CAMTA1: variants seen among roughly 807,000 people sequenced by gnomAD.
The protein encoded by CAMTA1 is calmodulin-binding transcription activator 1.
In CAMTA1, 27 loss-of-function variants were observed where a neutral mutation model predicts 170.9. The observed-to-expected ratio is 0.16, with a 90% CI of 0.12 to 0.22. CAMTA1 has a LOEUF of 0.22. CAMTA1 is among the 10% of genes least tolerant of loss of function. The probability of loss-of-function intolerance (pLI) is 1.00; values close to 1 mark genes in which losing one functional copy is unlikely to be tolerated. For synonymous variants in CAMTA1, 833 were observed against 891.5 expected, an observed-to-expected ratio of 0.93 and a Z score of 1.17; for missense variants, 1,619 against 2,217.2, an observed-to-expected ratio of 0.73 and a Z score of 5.42.
chr1:7,439,147 C>T (rs949258139), intron 5 of CAMTA1, among the ~76,000 whole-genome samples: 2 of 152,172 alleles, frequency 1.3e-5, no homozygotes, highest in Admixed American at 1.3e-4. Context: ...CCTGCTGCTC[C>T]CAGGTGGGGT....
chr1:7,304,404 A>G (rs2149572195), intron 5 of CAMTA1, among the ~76,000 whole-genome samples: 1 of 152,336 alleles, frequency 6.6e-6, no homozygotes, highest in South Asian at 2.1e-4. Flanking sequence ...CACATATGTC[A>G]TTTTACACTT....
chr1:7,290,081 T>C (rs1574463523), intron 5 of CAMTA1, among the ~76,000 whole-genome samples: 1 of 152,342 alleles, frequency 6.6e-6, no homozygotes, highest in East Asian at 1.9e-4. Flanking sequence ...ATGGAAGCCC[T>C]GAGAGACTGA....
At chr1:7,578,439 G>A (rs1429850520) in intron 6 of CAMTA1, among the ~76,000 whole-genome samples, 1 of 152,210 alleles carries the variant, frequency 6.6e-6, no homozygotes, top group African/African-American at 2.4e-5. Flanking sequence ...TGTTCCCAGG[G>A]CAAGGGCCAA....
At chr1:7,217,596 A>T (rs1659984897) in intron 4 of CAMTA1, among the ~76,000 whole-genome samples, 1 of 152,080 alleles carries the variant, frequency 6.6e-6, no homozygotes, top group South Asian at 2.1e-4. Context: ...GTCTTTCTAC[A>T]TGATGCATTT....
intron 11 of CAMTA1, among the ~76,000 whole-genome samples, chr1:7,730,910 C>CTT (rs1375687719): frequency 7.9e-6 from 1 of 126,218 alleles, no homozygotes; most frequent in African/African-American, 2.8e-5. Context: ...AAGTCTCAAT[C>CTT]TCTCTCTCTC....
chr1:7,431,261 G>A (rs576917081), intron 5 of CAMTA1, among the ~76,000 whole-genome samples: 7 of 152,304 alleles, frequency 4.6e-5, no homozygotes, highest in South Asian at 4.1e-4. Context: ...CTTTGAGATC[G>A]ATCAGCAGCT....
At chr1:7,498,855 AGT>A (rs1180927952) in intron 6 of CAMTA1, among the ~76,000 whole-genome samples, 9 of 103,252 alleles carry the variant, frequency 8.7e-5, no homozygotes, top group Non-Finnish European at 1.2e-4. Context: ...TGTATGTATG[AGT>A]GTGTGTGTGC....
chr1:7,202,140 G>T (rs1271820407), intron 4 of CAMTA1, among the ~76,000 whole-genome samples: 1 of 152,146 alleles, frequency 6.6e-6, no homozygotes, highest in Non-Finnish European at 1.5e-5. Flanking sequence ...TTGTTGAAAA[G>T]ACTATTTTTT....
chr1:6,790,281 TG>T (rs1008320831), intron 1 of CAMTA1, among the ~76,000 whole-genome samples: 7 of 147,778 alleles, frequency 4.7e-5, no homozygotes, highest in African/African-American at 1.8e-4. Flanking sequence ...TCAGCAGGAG[TG>T]GGGGTGGTGA....
At chr1:7,223,850 T>G (rs1661233236) in intron 4 of CAMTA1, among the ~76,000 whole-genome samples, 1 of 152,216 alleles carries the variant, frequency 6.6e-6, no homozygotes, top group Non-Finnish European at 1.5e-5. Flanking sequence ...CCTTTTAATC[T>G]CAAATTTTAT....
Position 7,347,064 on chromosome 1 carries a change from G to A in CAMTA1, c.438+97438G>A, listed in dbSNP as rs369960385. The stretch of plus-strand genomic sequence containing the variant: ...AGCCAAATGTTCCTCTCCAAACTCC[G>A]TAGCAATAGATGGTGAAGAGATTCT... On this transcript the variant is annotated intron_variant, in intron 5 of 22. Coordinates refer to ENST00000303635, the MANE Select transcript of CAMTA1 (RefSeq NM_015215.4). Among the ~76,000 whole-genome samples the A allele has an allele frequency of 1.7e-4, 26 of 152,336 alleles. 1 individual carries two copies. In the South Asian group the frequency reaches 3.1e-3, roughly 18 times the overall value.
chr1:7,413,105 A>G (rs1262019506), intron 5 of CAMTA1, among the ~76,000 whole-genome samples: 95 of 144,212 alleles, frequency 6.6e-4, no homozygotes, highest in South Asian at 1.1e-3. Context: ...GTTCTGTTCC[A>G]TTGATCTATA....
intron 5 of CAMTA1, among the ~76,000 whole-genome samples, chr1:7,351,218 C>T (rs903818133): frequency 2.0e-5 from 3 of 152,244 alleles, no homozygotes; most frequent in Non-Finnish European, 2.9e-5. Flanking sequence ...TTCCCAGGCA[C>T]GATCCTGATG....
In CAMTA1 at chr1:7,311,510, C is replaced by T. The variant is rs183841373; in HGVS notation, c.438+61884C>T. On this transcript the variant is annotated intron_variant, in intron 5 of 22. Coordinates refer to ENST00000303635, the MANE Select transcript of CAMTA1 (RefSeq NM_015215.4). ...TTTCCATTTGTTTTTAGAGTGTTTA[C>T]CCTTACTTCTTGGAACATTTCTATA... 2.4e-3 allele frequency among the ~76,000 whole-genome samples: 366 copies of T among 152,234 alleles called. 1 individual carries two copies. Among genetic ancestry groups the T allele is most frequent in the African/African-American group, 8.4e-3 (351 of 41,540 alleles).
Position 7,547,699 on chromosome 1 carries a change from CA to C in CAMTA1, c.510+79800del, listed in dbSNP as rs1470536747. Among the ~76,000 whole-genome samples the C allele has an allele frequency of 2.1e-5, 2 of 97,344 alleles. No homozygotes were observed. The highest frequency in any genetic ancestry group is 3.8e-4 in the South Asian group (1 of 2,632). 63.9% of individuals were successfully genotyped at this position (97,344 alleles called of 152,430 possible). On this transcript the variant is annotated intron_variant, in intron 6 of 22. Coordinates refer to ENST00000303635, the MANE Select transcript of CAMTA1 (RefSeq NM_015215.4). The surrounding 1 kb of genome is among the most constrained non-coding windows in gnomAD (Gnocchi z 5.7). ...CCTAAAACATTATGAGACTTTTTTG[CA>C]ATTTTTTTTTTTTTTAGCTCATCAG... is the stretch of plus-strand genomic sequence containing the variant.
intron 11 of CAMTA1, among the ~76,000 whole-genome samples, chr1:7,689,540 T>C (rs1391862535): frequency 2.6e-5 from 4 of 152,012 alleles, no homozygotes; most frequent in Non-Finnish European, 5.9e-5. Context: ...GATTGTGCCA[T>C]TGCACTCTAG....
At chr1:7,526,706 A>G (rs1044889246) in intron 6 of CAMTA1, among the ~76,000 whole-genome samples, 1 of 152,162 alleles carries the variant, frequency 6.6e-6, no homozygotes, top group African/African-American at 2.4e-5. Context: ...CTTGGAGAAC[A>G]CCAGCCTGCG....
At chr1:6,861,984 A>G (rs1208186123) in intron 3 of CAMTA1, among the ~76,000 whole-genome samples, 2 of 147,308 alleles carry the variant, frequency 1.4e-5, no homozygotes, top group Admixed American at 1.4e-4. Context: ...TTTTTTTGAG[A>G]CGGAGTCTTA....
At chr1:7,683,723 C>T (rs1247043388) in intron 11 of CAMTA1, among the ~76,000 whole-genome samples, 1 of 152,222 alleles carries the variant, frequency 6.6e-6, no homozygotes, top group East Asian at 1.9e-4. Flanking sequence ...TCTCCGAGCC[C>T]AGCCAGTGCC....
Sources: gnomAD v4.1 joint callset for allele counts (sites outside exome capture counted in the v4.1 genomes callset) on GRCh38, gnomAD v4.1.1 for gene constraint, Gnocchi (gnomAD v3.1) non-coding constraint, MANE v1.5 for transcripts, NCBI Gene and HGNC (gene_info 2026-07-23, HGNC 2026-07-21) for gene names.